CDC26: variants seen among roughly 807,000 people sequenced by gnomAD.
CDC26 encodes the protein cell division cycle 26, also known as anaphase-promoting complex subunit CDC26.
Under a neutral mutation model 8.0 loss-of-function variants are expected in CDC26, and 2 were observed. The ratio of observed to expected loss-of-function variants is 0.25; its 90% CI spans 0.10 to 0.79. The LOEUF is 0.79. Ranked by LOEUF, CDC26 falls within the 30% of genes least tolerant of loss-of-function variation. The pLI is 0.70. For synonymous variants in CDC26, 19 were observed against 34.9 expected (o/e 0.55, Z 1.60); for missense variants, 68 against 106.0 (o/e 0.64, Z 1.57).
intron 1 of CDC26, among the ~76,000 whole-genome samples, chr9:113,275,001 T>C (rs1039480397): frequency 2.6e-5 from 4 of 152,074 alleles, no homozygotes; most frequent in African/African-American, 7.2e-5. Context: ...CTATCCATCA[T>C]CTTACTCTCA....
At chr9:113,271,759 C>T (rs1156929406) in intron 3 of CDC26, among the ~76,000 whole-genome samples, 1 of 152,184 alleles carries the variant, frequency 6.6e-6, no homozygotes, top group Non-Finnish European at 1.5e-5. Flanking sequence ...TGTAAAGCAT[C>T]CAAACAGAGA....
chr9:113,269,559 C>T (rs1809463232), intron 3 of CDC26, among the ~76,000 whole-genome samples: 1 of 152,080 alleles, frequency 6.6e-6, no homozygotes, highest in Non-Finnish European at 1.5e-5. Flanking sequence ...GCATGACTGT[C>T]CCTGCTTCCT....
intron 3 of CDC26, among the ~76,000 whole-genome samples, chr9:113,271,832 G>A (rs1831961600): frequency 6.6e-6 from 1 of 152,170 alleles, no homozygotes; most frequent in East Asian, 1.9e-4. Flanking sequence ...GTGTATGTAT[G>A]TGTGTGTATA....
chr9:113,268,970 G>C (rs1831908605), intron 3 of CDC26, among the ~76,000 whole-genome samples: 1 of 151,836 alleles, frequency 6.6e-6, no homozygotes, highest in Non-Finnish European at 1.5e-5. Flanking sequence ...AGCTAGGATG[G>C]TCTCAATCTC....
Position 113,267,340 on chromosome 9 carries a change from T to C in CDC26, c.181A>G (p.Ile61Val), listed in dbSNP as rs749054353. The stretch of plus-strand genomic sequence containing the variant: ...GGTTTATAACCAATCCGATCATTGA[T>C]CATTTGTTCCCGGCTCTTGGGATCA... ...SSDPKSREQM[I>V]NDRIGYKPQP... The change falls in exon 4 of 4, where the codon ATC becomes GTC. Residue 61 changes from isoleucine (I) to valine (V), a missense_variant. Coordinates refer to ENST00000374206, the MANE Select transcript of CDC26 (RefSeq NM_139286.4). The C allele has an allele frequency of 1.7e-5, 27 of 1,600,034 alleles. No individual in the cohort carries two copies. Among genetic ancestry groups the C allele is most frequent in the African/African-American group, 5.4e-5 (4 of 73,920 alleles).
At chr9:113,270,507 G>A (rs1831936748) in intron 3 of CDC26, among the ~76,000 whole-genome samples, 1 of 152,116 alleles carries the variant, frequency 6.6e-6, no homozygotes, top group Admixed American at 6.6e-5. Context: ...TATAATAAAT[G>A]CTATGAAAAA....
At chr9:113,269,612 T>G (rs1419339395) in intron 3 of CDC26, among the ~76,000 whole-genome samples, 2 of 152,228 alleles carry the variant, frequency 1.3e-5, no homozygotes, top group Non-Finnish European at 2.9e-5. Context: ...ATAACTGTCT[T>G]TAGTGGAAAG....
intron 2 of CDC26, 40 bp from the exon 3 acceptor site, chr9:113,272,588 T>TA: frequency 1.0e-6 from 1 of 980,918 alleles, no homozygotes; most frequent in Admixed American, 1.8e-5. Context: ...CTGAAGGTGA[T>TA]AAAGTCTCAG....
At chr9:113,269,551 A>G (rs1016537294) in intron 3 of CDC26, among the ~76,000 whole-genome samples, 2 of 152,230 alleles carry the variant, frequency 1.3e-5, no homozygotes, top group African/African-American at 4.8e-5. Context: ...ACTTTAGGGC[A>G]TGACTGTCCC....
At chr9:113,269,074 A>G (rs560399079) in intron 3 of CDC26, among the ~76,000 whole-genome samples, 1 of 152,274 alleles carries the variant, frequency 6.6e-6, no homozygotes, top group East Asian at 1.9e-4. Context: ...TTTAAAAATT[A>G]GCCAGGCATG....
chr9:113,270,873 T>A (rs1474091523), intron 3 of CDC26, among the ~76,000 whole-genome samples: 1 of 152,108 alleles, frequency 6.6e-6, no homozygotes, highest in East Asian at 1.9e-4. Context: ...CTGAGGAGTT[T>A]TAAACGGGAA....
intron 1 of CDC26, among the ~76,000 whole-genome samples, chr9:113,275,113 T>A (rs1832038948): frequency 6.6e-6 from 1 of 152,132 alleles, no homozygotes; most frequent in Admixed American, 6.5e-5. Context: ...TCTTCTAGCT[T>A]AATCTCCCGC....
At chr9:113,270,921 A>C (rs539319843) in intron 3 of CDC26, among the ~76,000 whole-genome samples, 1 of 152,224 alleles carries the variant, frequency 6.6e-6, no homozygotes, top group Non-Finnish European at 1.5e-5. Flanking sequence ...CATTCTTGAT[A>C]CTGGATGCAG....
intron 3 of CDC26, among the ~76,000 whole-genome samples, chr9:113,268,601 G>C (rs1831902427): frequency 6.6e-6 from 1 of 152,208 alleles, no homozygotes; most frequent in Non-Finnish European, 1.5e-5. Context: ...ACCACTTGCT[G>C]CTGAACTGTG....
At chr9:113,270,589 C>T (rs147494400) in intron 3 of CDC26, among the ~76,000 whole-genome samples, 276 of 152,220 alleles carry the variant, frequency 1.8e-3, no homozygotes, top group African/African-American at 6.5e-3. Context: ...AACTTGGATA[C>T]GGTCAAAAGT....
chr9:113,272,675 C>T (rs1588003229), intron 2 of CDC26, 127 bp from the exon 3 acceptor site: 1 of 485,122 alleles, frequency 2.1e-6, no homozygotes, highest in Non-Finnish European at 3.7e-6. Flanking sequence ...TGAATTTACA[C>T]ATAGACTTCT....
At chr9:113,267,829 A>G (rs1831887096) in intron 3 of CDC26, among the ~76,000 whole-genome samples, 1 of 152,178 alleles carries the variant, frequency 6.6e-6, no homozygotes, top group African/African-American at 2.4e-5. Flanking sequence ...TCTACTAAAA[A>G]TACAAAAATT....
intron 3 of CDC26, among the ~76,000 whole-genome samples, chr9:113,270,814 T>C (rs757962600): frequency 6.6e-6 from 1 of 152,214 alleles, no homozygotes; most frequent in Non-Finnish European, 1.5e-5. Context: ...TACAAAATCT[T>C]GTAGGCCATG....
At chr9:113,275,013 T>C (rs1445749776) in intron 1 of CDC26, among the ~76,000 whole-genome samples, 1 of 152,096 alleles carries the variant, frequency 6.6e-6, no homozygotes, top group Non-Finnish European at 1.5e-5. Context: ...TTACTCTCAA[T>C]CTGATACAAA....
Sources: allele counts gnomAD v4.1 joint callset (sites outside exome capture counted in the v4.1 genomes callset), GRCh38; gene constraint gnomAD v4.1.1; transcripts MANE v1.5; gene names NCBI Gene and HGNC (gene_info 2026-07-23, HGNC 2026-07-21).